The following DTX4 variants were observed in gnomAD, a reference collection of about 807,000 sequenced individuals.
The protein encoded by DTX4 is deltex E3 ubiquitin ligase 4.
DTX4 carries 28 observed loss-of-function variants against 57.6 expected under a neutral mutation model. That is an observed-to-expected ratio of 0.49 (90% CI 0.36 to 0.67). The LOEUF (loss-of-function observed/expected upper bound fraction) is 0.67, where lower values mean the gene tolerates loss of function less well. DTX4 is among the 30% of genes least tolerant of loss of function. The probability of loss-of-function intolerance (pLI) is 0.00; values close to 1 mark genes in which losing one functional copy is unlikely to be tolerated. For synonymous variants in DTX4, 316 were observed against 331.0 expected (o/e 0.95, Z 0.49); for missense variants, 715 against 836.8 (o/e 0.85, Z 1.80).
intron 1 of DTX4, among the ~76,000 whole-genome samples, chr11:59,173,777 G>T (rs1050128071): frequency 2.6e-5 from 4 of 152,088 alleles, no homozygotes; most frequent in Admixed American, 6.5e-5. Flanking sequence ...TGGGGCCTTG[G>T]GGGGTGGGGA....
intron 4 of DTX4, among the ~76,000 whole-genome samples, chr11:59,190,688 A>C (rs1303215234): frequency 1.3e-5 from 2 of 152,224 alleles, no homozygotes; most frequent in African/African-American, 4.8e-5. Context: ...CATAAAAATA[A>C]TCACACTTTG....
chr11:59,197,497 T>C (rs547654486), intron 7 of DTX4, among the ~76,000 whole-genome samples: 2 of 152,190 alleles, frequency 1.3e-5, no homozygotes, highest in South Asian at 4.1e-4. Context: ...ATAGAAGGCA[T>C]TGAGTACCAG....
At chr11:59,172,946 G>A (rs1033445429) in intron 1 of DTX4, 140 bp downstream of exon 1, 1 of 570,274 alleles carries the variant, frequency 1.8e-6, no homozygotes. Context: ...GTGGTGGGAG[G>A]CGATTCACTC....
intron 2 of DTX4, among the ~76,000 whole-genome samples, chr11:59,186,384 A>T (rs759629705): frequency 1.1e-4 from 17 of 152,168 alleles, no homozygotes; most frequent in Admixed American, 2.0e-4. Flanking sequence ...GATCACAGCT[A>T]CTTATCAGCT....
In DTX4 at chr11:59,188,735, G is replaced by A; in HGVS notation, c.936G>A (p.Gly312=). Residue 312 remains glycine (G), a splice_region_variant and synonymous_variant, in exon 3 of 9, where the codon GGG becomes GGA. Transcript: ENST00000227451. ...TTGTATCTGCTCTTTCCTTTCACAG[G>A]GTCCCCACAGTCCCAGTGAAGAACC... ...IAQSRVLIAS[G]VPTVPVKNLN... The A allele has an allele frequency of 1.2e-6, 2 of 1,613,724 alleles. No individual in the cohort carries two copies. The highest frequency in any genetic ancestry group is 1.7e-6 in the Non-Finnish European group (2 of 1,179,712).
At chr11:59,173,701 C>G (rs1375064684) in intron 1 of DTX4, among the ~76,000 whole-genome samples, 1 of 152,082 alleles carries the variant, frequency 6.6e-6, no homozygotes, top group East Asian at 1.9e-4. Flanking sequence ...TCACTGTAGC[C>G]AGCACAAACC....
rs1862469465 is a variant in DTX4, at chr11:59,182,002, C to T, written c.475C>T (p.Leu159Phe). 6.2e-7 allele frequency: 1 copy of T among 1,613,920 alleles called. No homozygotes were observed. Among genetic ancestry groups the T allele is most frequent in the Non-Finnish European group, 8.5e-7 (1 of 1,179,846 alleles). ...RQRRVRRRLD[L>F]IYPMVTGTLP... The stretch of plus-strand genomic sequence containing the variant: ...ACGCCGCGTCCGCCGGCGCCTCGAC[C>T]TCATCTACCCCATGGTCACAGGGAC... Residue 159 changes from leucine to phenylalanine, a missense_variant, in exon 2 of 9, where the codon CTC becomes TTC. Transcript: ENST00000227451.
chr11:59,197,388 G>T (rs1862685593), intron 7 of DTX4, among the ~76,000 whole-genome samples: 1 of 152,062 alleles, frequency 6.6e-6, no homozygotes, highest in East Asian at 1.9e-4. Context: ...AGAAGGAAGG[G>T]TTTAATTTGG....
intron 7 of DTX4, 80 bp downstream of exon 7, chr11:59,195,449 T>C: frequency 6.8e-7 from 1 of 1,463,472 alleles, no homozygotes; most frequent in Non-Finnish European, 9.1e-7. Flanking sequence ...AAAAGTTACA[T>C]ATGAAGAGTC....
In DTX4 at chr11:59,179,380, G is replaced by C. The variant is rs553560029; in HGVS notation, c.212-2359G>C. On this transcript the variant is annotated intron_variant, in intron 1 of 8. Coordinates refer to ENST00000227451, the MANE Select transcript of DTX4 (RefSeq NM_015177.2). ...GGACTGCTGGTCCAAGATAAAACCC[G>C]CAACCCAGAGTGAGAACTTCTGTTC... Among the ~76,000 whole-genome samples the C allele has an allele frequency of 3.9e-5, 6 of 152,272 alleles. No individual in the cohort carries two copies. The East Asian group carries it at 1.2e-3, about 29-fold the overall frequency.
chr11:59,201,299 T>A (rs139633150), intron 8 of DTX4, among the ~76,000 whole-genome samples: 1 of 152,284 alleles, frequency 6.6e-6, no homozygotes, highest in Non-Finnish European at 1.5e-5. Flanking sequence ...GATTTCAACA[T>A]AGCAATTTCG....
chr11:59,175,908 T>A (rs2135510756), intron 1 of DTX4, among the ~76,000 whole-genome samples: 1 of 152,252 alleles, frequency 6.6e-6, no homozygotes, highest in East Asian at 1.9e-4. Flanking sequence ...TTTTTTTTTT[T>A]TTTAGAATGA....
upstream of DTX4, among the ~76,000 whole-genome samples, chr11:59,172,065 G>A (rs1240539792): frequency 6.6e-6 from 1 of 151,562 alleles, no homozygotes; most frequent in Non-Finnish European, 1.5e-5. Flanking sequence ...CCCAGCGGCG[G>A]GGACTGCAAT....
chr11:59,182,681 C>T (rs184940497), intron 2 of DTX4, among the ~76,000 whole-genome samples: 1 of 152,292 alleles, frequency 6.6e-6, no homozygotes, highest in Admixed American at 6.5e-5. Flanking sequence ...GACTTTGGCT[C>T]TTCCTAGCCA....
At position 59,205,055 on chromosome 11, in the gene DTX4, C is replaced by T; in HGVS notation, c.*146C>T. 1.5e-6 allele frequency: 1 copy of T among 668,768 alleles called. No individual in the cohort carries two copies. Among genetic ancestry groups the T allele is most frequent in the Non-Finnish European group, 2.6e-6 (1 of 391,428 alleles). 41.4% of individuals were successfully genotyped at this position (668,768 alleles called of 1,614,324 possible). ...CCCTGTGTCCATCCCTCATCCCTCC[C>T]AACCACAGTGGGAGCCAGACTGAAT... On this transcript the variant is annotated 3_prime_UTR_variant, in exon 9 of 9. Coordinates refer to ENST00000227451, the MANE Select transcript of DTX4 (RefSeq NM_015177.2).
Position 59,181,772 on chromosome 11 carries a change from A to G in DTX4, c.245A>G (p.Asp82Gly). 1 of 1,612,086 alleles carries G rather than the reference A, an allele frequency of 6.2e-7. No homozygotes were observed. Among genetic ancestry groups the G allele is most frequent in the South Asian group, 1.1e-5 (1 of 90,936 alleles). The stretch of plus-strand genomic sequence containing the variant: ...CGCCCAGTTCGCCGCAACTACTACG[A>G]CCCCTCCTCGGCCCCTGGGAAGGGC... ...TLRPVRRNYYDPSSAPGKGVV... is the reference protein window; with the variant it reads ...TLRPVRRNYYGPSSAPGKGVV... The change falls in exon 2 of 9, where the codon GAC becomes GGC. Residue 82 changes from aspartate (D) to glycine (G), a missense_variant. Transcript: ENST00000227451.
At chr11:59,179,145 T>C (rs1025282973) in intron 1 of DTX4, among the ~76,000 whole-genome samples, 1 of 152,120 alleles carries the variant, frequency 6.6e-6, no homozygotes, top group African/African-American at 2.4e-5. Context: ...CCATTTAAAC[T>C]CTCTAAACTT....
Position 59,182,479 on chromosome 11 carries a change from C to A in DTX4, c.935+17C>A. 6.3e-7 allele frequency: 1 copy of A among 1,577,742 alleles called. No individual in the cohort carries two copies. Among genetic ancestry groups the A allele is most frequent in the Non-Finnish European group, 8.6e-7 (1 of 1,160,546 alleles). On this transcript the variant is annotated intron_variant, in intron 2 of 8. Transcript: ENST00000227451. ...CGCCTCTGGGTAAGTGCTTCCACAG[C>A]TGCCTCAGAGCATTTACTCAGGGTA...
Position 59,182,106 on chromosome 11 carries a change from G to A in DTX4, c.579G>A (p.Gln193=), listed in dbSNP as rs773631907. The A allele has an allele frequency of 6.2e-7, 1 of 1,613,304 alleles. No homozygotes were observed. The highest frequency in any genetic ancestry group is 1.3e-5 in the African/African-American group (1 of 74,916). The part of the protein sequence containing the change: ...SPPMSPCSCP[Q]CVLVMSVKAA... Reference sequence around the variant, plus strand: ...CCATGTCCCCCTGCTCCTGTCCCCAGTGTGTCTTGGTGATGAGTGTTAAGG... The same window carrying A: ...CCATGTCCCCCTGCTCCTGTCCCCAATGTGTCTTGGTGATGAGTGTTAAGG... The change falls in exon 2 of 9, where the codon CAG becomes CAA. Residue 193 remains glutamine, a synonymous_variant. Coordinates refer to ENST00000227451, the MANE Select transcript of DTX4 (RefSeq NM_015177.2).
Sources: allele counts gnomAD v4.1 joint callset (sites outside exome capture counted in the v4.1 genomes callset), GRCh38; gene constraint gnomAD v4.1.1; transcripts MANE v1.5; gene names NCBI Gene and HGNC (gene_info 2026-07-23, HGNC 2026-07-21).